Variants in MACROD2 observed in about 807,000 individuals in gnomAD.
MACROD2 encodes the protein ADP-ribose glycohydrolase MACROD2.
A neutral mutation model predicts 70.4 loss-of-function variants in MACROD2; 36 were observed. The ratio of observed to expected loss-of-function variants is 0.51; its 90% confidence interval spans 0.39 to 0.68. The LOEUF is 0.68. MACROD2 is among the 30% of genes least tolerant of loss of function. The pLI is 0.00. For synonymous variants in MACROD2, 172 were observed against 178.8 expected (o/e 0.96, Z 0.30); for missense variants, 496 against 538.4 (o/e 0.92, Z 0.78).
chr20:14,135,243 A>G (rs946574733), intron 3 of MACROD2, among the ~76,000 whole-genome samples: 1 of 152,220 alleles, frequency 6.6e-6, no homozygotes, highest in African/African-American at 2.4e-5. Context: ...GGACATAGAT[A>G]TACACATTCT....
At chr20:15,160,125 G>A (rs2076337673) in intron 5 of MACROD2, among the ~76,000 whole-genome samples, 1 of 151,976 alleles carries the variant, frequency 6.6e-6, no homozygotes, top group Non-Finnish European at 1.5e-5. Flanking sequence ...AGAGACAATT[G>A]GAACCCCTTA....
intron 3 of MACROD2, among the ~76,000 whole-genome samples, chr20:14,168,991 G>A (rs576378422): frequency 1.1e-3 from 164 of 152,282 alleles, no homozygotes; most frequent in Non-Finnish European, 1.4e-3. Context: ...CAGCATATCA[G>A]AAAGATAATC....
intron 5 of MACROD2, among the ~76,000 whole-genome samples, chr20:15,214,654 A>T (rs368397918): frequency 2.0e-5 from 3 of 152,246 alleles, no homozygotes; most frequent in African/African-American, 7.2e-5. Context: ...TGTCTATGAC[A>T]ATTCCTTTAG....
chr20:16,038,672 C>T (rs974499115), intron 15 of MACROD2, among the ~76,000 whole-genome samples: 5 of 151,942 alleles, frequency 3.3e-5, no homozygotes, highest in African/African-American at 1.2e-4. Context: ...GCTGCCTCTG[C>T]AATACCTGGA....
intron 2 of MACROD2, among the ~76,000 whole-genome samples, chr20:14,033,530 G>A (rs2053271193): frequency 6.6e-6 from 1 of 152,082 alleles, no homozygotes; most frequent in Non-Finnish European, 1.5e-5. Context: ...ATCCTGTTGG[G>A]TTTTGAAAGG....
At chr20:15,223,179 G>A (rs986826204) in intron 5 of MACROD2, among the ~76,000 whole-genome samples, 1 of 152,160 alleles carries the variant, frequency 6.6e-6, no homozygotes, top group African/African-American at 2.4e-5. Flanking sequence ...GTCTGATGAA[G>A]CACAAAAGGG....
chr20:15,489,537 C>T (rs1378709630), intron 7 of MACROD2, among the ~76,000 whole-genome samples: 1 of 152,200 alleles, frequency 6.6e-6, no homozygotes, highest in Admixed American at 6.5e-5. Flanking sequence ...CCCACACACA[C>T]TCTGCAATGA....
chr20:15,559,298 A>G (rs2048211543), intron 8 of MACROD2, among the ~76,000 whole-genome samples: 1 of 151,892 alleles, frequency 6.6e-6, no homozygotes. Flanking sequence ...GTAAGAGCCT[A>G]GAACAATTAG....
chr20:15,992,468 A>G (rs2066571209), intron 15 of MACROD2, among the ~76,000 whole-genome samples: 1 of 152,004 alleles, frequency 6.6e-6, no homozygotes, highest in African/African-American at 2.4e-5. Context: ...TATGGCTCCC[A>G]CTCAGACACC....
chr20:14,640,268 A>G (rs1478842844), intron 4 of MACROD2, among the ~76,000 whole-genome samples: 1 of 152,232 alleles, frequency 6.6e-6, no homozygotes, highest in Non-Finnish European at 1.5e-5. Flanking sequence ...TGAGATTTCT[A>G]TAGCAACTGG....
chr20:14,703,132 A>G (rs1568747930), intron 5 of MACROD2, among the ~76,000 whole-genome samples: 1 of 151,988 alleles, frequency 6.6e-6, no homozygotes, highest in Non-Finnish European at 1.5e-5. Context: ...TTATTTGTTT[A>G]TTTTCCTCTA....
At chr20:14,372,164 C>T (rs150938160) in intron 3 of MACROD2, among the ~76,000 whole-genome samples, 67 of 152,148 alleles carry the variant, frequency 4.4e-4, no homozygotes, top group African/African-American at 1.5e-3. Context: ...GTTGTATGAA[C>T]GCTGTACTCG....
chr20:14,572,892 ATATTT>A (rs1980300777), intron 4 of MACROD2, among the ~76,000 whole-genome samples: 1 of 150,400 alleles, frequency 6.6e-6, no homozygotes, highest in South Asian at 2.1e-4. Flanking sequence ...AATATTAAAG[ATATTT>A]TAATAATATA....
At chr20:15,881,229 A>G (rs1417048058) in intron 9 of MACROD2, among the ~76,000 whole-genome samples, 1 of 152,126 alleles carries the variant, frequency 6.6e-6, no homozygotes, top group Non-Finnish European at 1.5e-5. Context: ...AAACTAATTC[A>G]GTGAGACAGC....
intron 8 of MACROD2, among the ~76,000 whole-genome samples, chr20:15,742,253 A>G (rs1568535619): frequency 6.6e-6 from 1 of 152,220 alleles, no homozygotes; most frequent in Non-Finnish European, 1.5e-5. Flanking sequence ...TCATCTTAAA[A>G]AGCCTTAATT....
rs148299540 is a variant in MACROD2 at position 15,814,592 on chromosome 20, T to C, written c.646-48153T>C. 4.1e-3 allele frequency among the ~76,000 whole-genome samples: 618 copies of C among 152,318 alleles called. 4 individuals carry two copies. Among genetic ancestry groups the C allele is most frequent in the African/African-American group, 0.013 (528 of 41,562 alleles). On this transcript the variant is annotated intron_variant, in intron 8 of 17. Coordinates refer to ENST00000684519, the MANE Select transcript of MACROD2 (RefSeq NM_001351661.2). ...CCTAAATAAACCATTTGAACTTATA[T>C]CCTAGTCTTAACACTATGCCCCTGG...
intron 5 of MACROD2, among the ~76,000 whole-genome samples, chr20:15,228,300 G>T (rs1053384515): frequency 4.6e-5 from 7 of 152,014 alleles, no homozygotes; most frequent in African/African-American, 1.7e-4. Context: ...GAACTTATTA[G>T]TGAAGTTTTG....
At chr20:14,688,366 G>C (rs1458422738) in intron 5 of MACROD2, among the ~76,000 whole-genome samples, 1 of 152,072 alleles carries the variant, frequency 6.6e-6, no homozygotes, top group Non-Finnish European at 1.5e-5. Context: ...ATTCATAAAT[G>C]GTTGTATTTG....
At chr20:14,392,856 T>C (rs1157037652) in intron 3 of MACROD2, among the ~76,000 whole-genome samples, 1 of 152,110 alleles carries the variant, frequency 6.6e-6, no homozygotes, top group Non-Finnish European at 1.5e-5. Context: ...CTGCCCTGTG[T>C]ATGAATTTGT....
Sources: gnomAD v4.1 joint callset for allele counts (sites outside exome capture counted in the v4.1 genomes callset) on GRCh38, gnomAD v4.1.1 for gene constraint, MANE v1.5 for transcripts, NCBI Gene and HGNC (gene_info 2026-07-23, HGNC 2026-07-21) for gene names.